CCDC85A: variants seen among roughly 807,000 people sequenced by gnomAD.
The protein encoded by CCDC85A is coiled-coil domain containing 85A, also known as coiled-coil domain-containing protein 85A.
In CCDC85A, 38 loss-of-function variants were observed where a neutral mutation model predicts 50.2. The ratio of observed to expected loss-of-function variants is 0.76; its 90% CI spans 0.58 to 0.99. The LOEUF (loss-of-function observed/expected upper bound fraction) is 0.99. Among genes scored for constraint, CCDC85A ranks in the 50% least tolerant of loss-of-function variants. The pLI is 0.00. For missense variants in CCDC85A, 820 were observed against 742.0 expected (o/e 1.11, Z -1.22); for synonymous variants, 366 against 301.4 (o/e 1.21, Z -2.22).
intron 2 of CCDC85A, among the ~76,000 whole-genome samples, chr2:56,218,953 C>G (rs1668201712): frequency 6.6e-6 from 1 of 151,522 alleles, no homozygotes; most frequent in South Asian, 2.1e-4. Context: ...TAAAGATATG[C>G]TAATTATTCA....
intron 2 of CCDC85A, among the ~76,000 whole-genome samples, chr2:56,308,463 T>G (rs1374744962): frequency 3.3e-5 from 5 of 152,180 alleles, no homozygotes; most frequent in African/African-American, 1.2e-4. Flanking sequence ...GAGCTTTCTT[T>G]TGGATTCAGA....
chr2:56,310,540 A>G lies in CCDC85A; in HGVS notation c.1241-32339A>G, dbSNP rs1672643356. 2.6e-5 allele frequency among the ~76,000 whole-genome samples: 4 copies of G among 152,268 alleles called. No homozygotes were observed. In the South Asian group the frequency reaches 6.2e-4, roughly 24 times the overall value. ...AAGTTTGGACCACAGTGATGATTAT[A>G]TATTAGGAACCAAGTCAGTCCAGAC... On this transcript the variant is annotated intron_variant, in intron 2 of 5. Coordinates refer to ENST00000407595, the MANE Select transcript of CCDC85A (RefSeq NM_001080433.2).
intron 2 of CCDC85A, among the ~76,000 whole-genome samples, chr2:56,245,221 GA>G (rs1315169435): frequency 6.6e-6 from 1 of 152,238 alleles, no homozygotes; most frequent in Non-Finnish European, 1.5e-5. Context: ...CTGCAGTGGT[GA>G]GGCTTGCTGA....
intron 2 of CCDC85A, among the ~76,000 whole-genome samples, chr2:56,336,402 C>T (rs1318954730): frequency 6.6e-6 from 1 of 152,158 alleles, no homozygotes; most frequent in East Asian, 1.9e-4. Context: ...GATCTGCCTG[C>T]CTTGGCCTCC....
chr2:56,383,539 A>G (rs759839211), intron 5 of CCDC85A: 28 of 969,398 alleles, frequency 2.9e-5, no homozygotes, highest in Non-Finnish European at 3.4e-5. Context: ...AGCTTCTAAC[A>G]TATTGTAATT....
chr2:56,235,166 A>G (rs1247544699), intron 2 of CCDC85A: 1 of 152,150 alleles, frequency 6.6e-6, no homozygotes, highest in Non-Finnish European at 1.5e-5. Flanking sequence ...ACTTATCCCT[A>G]ATCTGCAAGC....
At chr2:56,364,738 C>T (rs956506661) in intron 3 of CCDC85A, among the ~76,000 whole-genome samples, 3 of 152,228 alleles carry the variant, frequency 2.0e-5, no homozygotes, top group Non-Finnish European at 2.9e-5. Flanking sequence ...CCTTCAACCT[C>T]ACTGCCTACA....
In CCDC85A at chr2:56,226,126, G is replaced by A. The variant is rs146835908; in HGVS notation, c.1240+32686G>A. ...CTCTTGCATTCAGGGCATGTGTAAT[G>A]AACTGTGGTTAAGACTCCAAGCTTT... On this transcript the variant is annotated intron_variant, in intron 2 of 5. Transcript: ENST00000407595. Among the ~76,000 whole-genome samples, 267 of 152,270 alleles carry A rather than the reference G, an allele frequency of 1.8e-3. 1 individual carries two copies. The highest frequency in any genetic ancestry group is 3.4e-3 in the Non-Finnish European group (233 of 68,024).
At chr2:56,221,942 A>G (rs1188050949) in intron 2 of CCDC85A, among the ~76,000 whole-genome samples, 1 of 152,074 alleles carries the variant, frequency 6.6e-6, no homozygotes, top group African/African-American at 2.4e-5. Context: ...ATAAGGATAG[A>G]AGGGTGGAAA....
intron 3 of CCDC85A, among the ~76,000 whole-genome samples, chr2:56,345,434 A>T (rs1226010241): frequency 2.0e-5 from 3 of 152,220 alleles, no homozygotes; most frequent in African/African-American, 7.2e-5. Flanking sequence ...AAAGTAATTT[A>T]ATACAAAGAG....
intron 2 of CCDC85A, among the ~76,000 whole-genome samples, chr2:56,339,801 T>G (rs1674267461): frequency 6.6e-6 from 1 of 151,992 alleles, no homozygotes; most frequent in Non-Finnish European, 1.5e-5. Flanking sequence ...TCAGGCAATC[T>G]ACATTCACAT....
intron 2 of CCDC85A, among the ~76,000 whole-genome samples, chr2:56,205,267 T>G (rs957846920): frequency 1.3e-5 from 2 of 152,072 alleles, no homozygotes; most frequent in African/African-American, 2.4e-5. Context: ...TCTTCGTATG[T>G]TTTAGTTATG....
intron 2 of CCDC85A, among the ~76,000 whole-genome samples, chr2:56,314,598 A>G (rs1363609445): frequency 1.3e-5 from 2 of 152,068 alleles, no homozygotes; most frequent in Non-Finnish European, 2.9e-5. Context: ...TAGTCTAGCA[A>G]TTCTGAAACT....
intron 1 of CCDC85A, among the ~76,000 whole-genome samples, chr2:56,185,356 C>G (rs954288302): frequency 1.3e-5 from 2 of 152,146 alleles, no homozygotes; most frequent in Non-Finnish European, 2.9e-5. Flanking sequence ...GAAAGGGCGC[C>G]ACTGCCAGGG....
intron 5 of CCDC85A, among the ~76,000 whole-genome samples, chr2:56,378,842 A>G (rs1249340861): frequency 6.6e-6 from 1 of 152,182 alleles, no homozygotes. Context: ...GTAGCTTAGC[A>G]GTGTTGCAGT....
intron 2 of CCDC85A, among the ~76,000 whole-genome samples, chr2:56,199,579 T>A (rs76551354): frequency 2.0e-5 from 3 of 152,094 alleles, no homozygotes; most frequent in African/African-American, 7.2e-5. Flanking sequence ...CTTTTTTTTT[T>A]AATCTCCTAA....
intron 2 of CCDC85A, among the ~76,000 whole-genome samples, chr2:56,276,709 C>G (rs1670963755): frequency 6.6e-6 from 1 of 152,172 alleles, no homozygotes; most frequent in African/African-American, 2.4e-5. Context: ...TCTTTGTCAG[C>G]AGCGTGAAAA....
At chr2:56,335,224 GTTCAGAA>G (rs1283789491) in intron 2 of CCDC85A, among the ~76,000 whole-genome samples, 11 of 152,094 alleles carry the variant, frequency 7.2e-5, no homozygotes, top group African/African-American at 2.7e-4. Flanking sequence ...AAAACACTTT[GTTCAGAA>G]CAGTAATAAT....
intron 2 of CCDC85A, among the ~76,000 whole-genome samples, chr2:56,254,022 C>T (rs1359711532): frequency 2.0e-5 from 3 of 152,050 alleles, no homozygotes; most frequent in Admixed American, 6.6e-5. Context: ...GCTTATTTCC[C>T]TCAACTCTAG....
Sources: gnomAD v4.1 joint callset for allele counts (sites outside exome capture counted in the v4.1 genomes callset) on GRCh38, gnomAD v4.1.1 for gene constraint, MANE v1.5 for transcripts, NCBI Gene and HGNC (gene_info 2026-07-23, HGNC 2026-07-21) for gene names.